UNC5C: variants seen among roughly 807,000 people sequenced by gnomAD.
UNC5C encodes the protein unc-5 netrin receptor C, also known as netrin receptor UNC5C.
UNC5C carries 47 observed loss-of-function variants against 99.8 expected under a neutral mutation model. The ratio of observed to expected loss-of-function variants is 0.47; its 90% CI spans 0.37 to 0.60. UNC5C has a LOEUF of 0.60. UNC5C is among the 20% of genes least tolerant of loss of function. The probability of loss-of-function intolerance (pLI) is 0.00; values close to 1 mark genes in which losing one functional copy is unlikely to be tolerated. For synonymous variants in UNC5C, 487 were observed against 452.2 expected (o/e 1.08, Z -0.98); for missense variants, 1,062 against 1,165.9 (o/e 0.91, Z 1.30).
chr4:95,188,680 T>C (rs1225675744), intron 12 of UNC5C, among the ~76,000 whole-genome samples: 2 of 152,232 alleles, frequency 1.3e-5, no homozygotes, highest in African/African-American at 2.4e-5. Flanking sequence ...TACAGATATG[T>C]AAGAGGACAG....
In UNC5C at chr4:95,189,312, T is replaced by A. The variant is rs75425446; in HGVS notation, c.2137-4116A>T. 6.5e-3 allele frequency among the ~76,000 whole-genome samples: 988 copies of A among 152,280 alleles called. 9 individuals carry two copies. Among genetic ancestry groups the A allele is most frequent in the African/African-American group, 0.023 (941 of 41,556 alleles). Reference sequence around the variant, plus strand: ...ATTCAAAATATTTTTAGACACCTTCTTTCTTGCTCTGTAGCACAGGCTGGA... The same window carrying A: ...ATTCAAAATATTTTTAGACACCTTCATTCTTGCTCTGTAGCACAGGCTGGA... On this transcript the variant is annotated intron_variant, in intron 12 of 15. Coordinates refer to ENST00000453304, the MANE Select transcript of UNC5C (RefSeq NM_003728.4).
At chr4:95,352,183 T>C (rs1744015195) in intron 1 of UNC5C, among the ~76,000 whole-genome samples, 1 of 152,102 alleles carries the variant, frequency 6.6e-6, no homozygotes, top group African/African-American at 2.4e-5. Flanking sequence ...GACTCCTTAC[T>C]AAGGCCGAAA....
rs1303578377 is a variant in UNC5C, at chr4:95,165,647, C to T, written c.*3587G>A. 6.6e-6 allele frequency: 1 copy of T among 152,202 alleles called. No homozygotes were observed. The highest frequency in any genetic ancestry group is 2.4e-5 in the African/African-American group (1 of 41,456). The allele number at this position is 152,202 out of a possible 1,614,324, so 9.4% of individuals were successfully genotyped here. On this transcript the variant is annotated 3_prime_UTR_variant, in exon 16 of 16. Transcript: ENST00000453304. ...CCCAAATTCAGCAGAAAAGAAGCTG[C>T]TTTCTTCCCTTTGATTAACAACCCC...
chr4:95,304,019 C>G lies in UNC5C; in HGVS notation c.347-2270G>C, dbSNP rs1436595693. Among the ~76,000 whole-genome samples, 3 of 151,992 alleles carry G rather than the reference C, an allele frequency of 2.0e-5. No homozygotes were observed. In the South Asian group the frequency reaches 6.2e-4, roughly 32 times the overall value. On this transcript the variant is annotated intron_variant, in intron 2 of 15. Transcript: ENST00000453304. ...CACACTCAGGGAAATGAACAACTAC[C>G]CAATGGGAGTAGGAGCTGTCCCACT...
intron 1 of UNC5C, among the ~76,000 whole-genome samples, chr4:95,545,463 C>T (rs1340174554): frequency 6.6e-6 from 1 of 151,980 alleles, no homozygotes; most frequent in Non-Finnish European, 1.5e-5. Flanking sequence ...CTTTAGTTGT[C>T]TTCACTGTTG....
At position 95,164,156 on chromosome 4, in the gene UNC5C, T is replaced by TAG. The variant is rs1000596529; in HGVS notation, c.*5076_*5077dup. On this transcript the variant is annotated 3_prime_UTR_variant, in exon 16 of 16. Transcript: ENST00000453304. ...ACTAAAGGATCTGGAAGCTCATGGC[T>TAG]AGACTTAGTCTGCAGAGAAAACCCA... 2 of 152,174 alleles carry TAG rather than the reference T, an allele frequency of 1.3e-5. No individual in the cohort carries two copies. The highest frequency in any genetic ancestry group is 2.9e-5 in the Non-Finnish European group (2 of 68,014). The allele number at this position is 152,174 out of a possible 1,614,324, so 9.4% of individuals were successfully genotyped here.
intron 1 of UNC5C, among the ~76,000 whole-genome samples, chr4:95,414,224 A>AC (rs1171594382): frequency 7.2e-6 from 1 of 139,470 alleles, no homozygotes; most frequent in Non-Finnish European, 1.6e-5. Context: ...CCTCCCCCCC[A>AC]CAAAAAATAG....
intron 2 of UNC5C, among the ~76,000 whole-genome samples, chr4:95,319,748 C>T (rs553421596): frequency 6.6e-6 from 1 of 151,996 alleles, no homozygotes; most frequent in Non-Finnish European, 1.5e-5. Context: ...GATTGTTCAT[C>T]GATTGTGGAA....
intron 1 of UNC5C, among the ~76,000 whole-genome samples, chr4:95,465,402 G>A (rs1048368575): frequency 6.6e-6 from 1 of 152,156 alleles, no homozygotes; most frequent in Non-Finnish European, 1.5e-5. Flanking sequence ...TGTAAGGGGA[G>A]GTTAGAATAT....
chr4:95,413,092 C>T (rs1301718070), intron 1 of UNC5C, among the ~76,000 whole-genome samples: 1 of 152,164 alleles, frequency 6.6e-6, no homozygotes, highest in East Asian at 1.9e-4. Flanking sequence ...GATAAACTCA[C>T]CTTCCCTCTT....
At chr4:95,191,324 G>A (rs1362812330) in intron 12 of UNC5C, among the ~76,000 whole-genome samples, 1 of 152,158 alleles carries the variant, frequency 6.6e-6, no homozygotes, top group East Asian at 1.9e-4. Flanking sequence ...CTCACTGGGA[G>A]CCCCCAGGCA....
At chr4:95,510,549 A>G (rs1722043257) in intron 1 of UNC5C, among the ~76,000 whole-genome samples, 1 of 152,028 alleles carries the variant, frequency 6.6e-6, no homozygotes, top group Non-Finnish European at 1.5e-5. Context: ...CTCTTCATAT[A>G]CACATAGGCA....
chr4:95,247,156 T>C (rs1471401958), intron 5 of UNC5C, among the ~76,000 whole-genome samples: 2 of 152,162 alleles, frequency 1.3e-5, no homozygotes, highest in African/African-American at 4.8e-5. Context: ...TTTGACCTTT[T>C]CTGTATTCCA....
At chr4:95,415,636 T>G (rs558502805) in intron 1 of UNC5C, among the ~76,000 whole-genome samples, 3 of 152,298 alleles carry the variant, frequency 2.0e-5, no homozygotes, top group Non-Finnish European at 4.4e-5. Flanking sequence ...TGATGACTCA[T>G]TTTTGTAAAG....
intron 1 of UNC5C, among the ~76,000 whole-genome samples, chr4:95,338,357 T>C (rs1310661737): frequency 6.6e-6 from 1 of 152,082 alleles, no homozygotes; most frequent in Admixed American, 6.6e-5. Context: ...GAGAAAGTTT[T>C]GAAAATGAAA....
rs1399943448 is a variant in UNC5C, at chr4:95,259,062, C to T, written c.595-8395G>A. On this transcript the variant is annotated intron_variant, in intron 4 of 15. Coordinates refer to ENST00000453304, the MANE Select transcript of UNC5C (RefSeq NM_003728.4). ...AGGCGTGAGCCACCGCGCCCGGCCTCGACCATCTTATTCTAAGGAGCAGTT... is the reference window on the plus strand; with the variant it reads ...AGGCGTGAGCCACCGCGCCCGGCCTTGACCATCTTATTCTAAGGAGCAGTT... 3.3e-5 allele frequency among the ~76,000 whole-genome samples: 5 copies of T among 152,008 alleles called. No homozygotes were observed. In the East Asian group the frequency reaches 9.7e-4, roughly 29 times the overall value.
intron 3 of UNC5C, among the ~76,000 whole-genome samples, chr4:95,291,498 A>T (rs994528532): frequency 6.6e-6 from 1 of 152,208 alleles, no homozygotes; most frequent in Non-Finnish European, 1.5e-5. Context: ...ATACGTATAG[A>T]TGATTTCCCC....
intron 1 of UNC5C, among the ~76,000 whole-genome samples, chr4:95,501,536 A>T (rs1281431579): frequency 3.3e-5 from 5 of 152,174 alleles, no homozygotes; most frequent in Admixed American, 1.3e-4. Flanking sequence ...ATATTGTTAC[A>T]TGCTAATGAG....
At chr4:95,250,385 AAAT>A in intron 5 of UNC5C, 99 bp downstream of exon 5, 1 of 1,283,838 alleles carries the variant, frequency 7.8e-7, no homozygotes, top group Non-Finnish European at 1.1e-6. Flanking sequence ...ACCCTGTCTC[AAAT>A]AATATGAAAT....
Sources: gnomAD v4.1 joint callset for allele counts (sites outside exome capture counted in the v4.1 genomes callset) on GRCh38, gnomAD v4.1.1 for gene constraint, MANE v1.5 for transcripts, NCBI Gene and HGNC (gene_info 2026-07-23, HGNC 2026-07-21) for gene names.